GMDS: variants seen among roughly 807,000 people sequenced by gnomAD.
The protein encoded by GMDS is GDP-mannose 4,6 dehydratase.
Under a neutral mutation model 49.9 loss-of-function variants are expected in GMDS, and 20 were observed. The ratio of observed to expected loss-of-function variants is 0.40; its 90% confidence interval spans 0.28 to 0.58. The LOEUF (loss-of-function observed/expected upper bound fraction) is 0.58, where lower values mean the gene tolerates loss of function less well. GMDS is among the 20% of genes least tolerant of loss of function. The pLI, the probability that GMDS is intolerant of heterozygous loss-of-function variation, is 0.42. For missense variants in GMDS, 362 were observed against 481.4 expected (o/e 0.75, Z 2.32); for synonymous variants, 177 against 178.6 (o/e 0.99, Z 0.07).
intron 4 of GMDS, among the ~76,000 whole-genome samples, chr6:1,973,232 T>C (rs1001505643): frequency 5.9e-5 from 9 of 152,184 alleles, no homozygotes; most frequent in Non-Finnish European, 8.8e-5. Flanking sequence ...CAAAAGTACA[T>C]AAATACACTA....
At chr6:1,720,592 G>C (rs909018077) in intron 9 of GMDS, among the ~76,000 whole-genome samples, 2 of 152,214 alleles carry the variant, frequency 1.3e-5, no homozygotes, top group Admixed American at 6.5e-5. Context: ...TGGTCCAAAA[G>C]TTATGGGAGC....
chr6:1,782,966 C>A (rs1769169498), intron 7 of GMDS, among the ~76,000 whole-genome samples: 2 of 151,984 alleles, frequency 1.3e-5, no homozygotes, highest in African/African-American at 2.4e-5. Context: ...CCAGCCTGGG[C>A]AACATAGTGG....
chr6:1,692,065 G>A (rs1019183842), intron 9 of GMDS, among the ~76,000 whole-genome samples: 12 of 152,210 alleles, frequency 7.9e-5, no homozygotes, highest in Admixed American at 3.9e-4. Context: ...GACATGGGAA[G>A]GGCAGACTTG....
intron 4 of GMDS, among the ~76,000 whole-genome samples, chr6:1,975,877 T>C (rs1764870800): frequency 6.6e-6 from 1 of 152,118 alleles, no homozygotes; most frequent in South Asian, 2.1e-4. Context: ...CAACAAAGAA[T>C]AAGCAGAGTA....
intron 4 of GMDS, among the ~76,000 whole-genome samples, chr6:2,097,567 T>C (rs1773680303): frequency 6.6e-6 from 1 of 152,202 alleles, no homozygotes; most frequent in African/African-American, 2.4e-5. Flanking sequence ...CACATGCTAG[T>C]GGCCCTTGAC....
intron 4 of GMDS, among the ~76,000 whole-genome samples, chr6:1,997,465 G>A (rs1009207854): frequency 2.9e-5 from 4 of 138,290 alleles, no homozygotes; most frequent in Non-Finnish European, 4.5e-5. Context: ...CTGAGATCGC[G>A]CCACTGCACT....
intron 1 of GMDS, among the ~76,000 whole-genome samples, chr6:2,202,995 C>T (rs910798360): frequency 1.3e-5 from 2 of 152,178 alleles, no homozygotes; most frequent in East Asian, 3.9e-4. Flanking sequence ...TATCCTGCCA[C>T]ATTTTCATTT....
At chr6:1,711,467 G>A (rs1765961113) in intron 9 of GMDS, among the ~76,000 whole-genome samples, 2 of 152,190 alleles carry the variant, frequency 1.3e-5, no homozygotes, top group South Asian at 4.1e-4. Context: ...GAAGAAATGG[G>A]TTGCCTCTTT....
intron 1 of GMDS, among the ~76,000 whole-genome samples, chr6:2,175,080 A>G (rs1778209195): frequency 6.6e-6 from 1 of 152,122 alleles, no homozygotes; most frequent in Non-Finnish European, 1.5e-5. Flanking sequence ...TAGCTATTTG[A>G]AACACAGTGC....
At chr6:1,995,129 G>C (rs1343197165) in intron 4 of GMDS, among the ~76,000 whole-genome samples, 1 of 152,156 alleles carries the variant, frequency 6.6e-6, no homozygotes, top group Admixed American at 6.5e-5. Flanking sequence ...CACAGCCAGG[G>C]AGAAATGGGG....
intron 7 of GMDS, among the ~76,000 whole-genome samples, chr6:1,895,866 G>A (rs1054125292): frequency 3.9e-5 from 6 of 152,002 alleles, no homozygotes; most frequent in South Asian, 2.1e-4. Flanking sequence ...AACATAAAGC[G>A]GTGAAATATG....
rs943779510 is a variant in GMDS, at chr6:1,674,072, G to T, written c.988-49532C>A. On this transcript the variant is annotated intron_variant, in intron 9 of 10. Coordinates refer to ENST00000380815, the MANE Select transcript of GMDS (RefSeq NM_001500.4). The stretch of plus-strand genomic sequence containing the variant: ...GCCGCGAGGTTGCTGATTGCGTAGT[G>T]AAACCATCGTGCTATTTATGAAATT... Among the ~76,000 whole-genome samples, 5 of 151,984 alleles carry T rather than the reference G, an allele frequency of 3.3e-5. No homozygotes were observed. In the East Asian group the frequency reaches 5.8e-4, roughly 18 times the overall value.
chr6:1,905,328 G>C (rs1760705313), intron 7 of GMDS, among the ~76,000 whole-genome samples: 1 of 151,866 alleles, frequency 6.6e-6, no homozygotes, highest in African/African-American at 2.4e-5. Context: ...CTGGCGTGTA[G>C]GTGGGACCTC....
At chr6:2,194,039 T>A (rs151325) in intron 1 of GMDS, among the ~76,000 whole-genome samples, 10,616 of 136,242 alleles carry the variant, frequency 0.078, 575 homozygotes, top group South Asian at 0.22. Flanking sequence ...TATTTTTTTT[T>A]AAAAAAAAAG....
At chr6:1,696,226 C>T (rs1158131472) in intron 9 of GMDS, among the ~76,000 whole-genome samples, 1 of 152,208 alleles carries the variant, frequency 6.6e-6, no homozygotes, top group Non-Finnish European at 1.5e-5. Flanking sequence ...AGTGACAACT[C>T]AGGCTTGGCC....
chr6:2,024,786 G>A (rs1406805519), intron 4 of GMDS, among the ~76,000 whole-genome samples: 1 of 151,674 alleles, frequency 6.6e-6, no homozygotes, highest in Admixed American at 6.6e-5. Context: ...AAGTATAAGT[G>A]CATTATTACC....
At chr6:1,994,982 G>C (rs977712782) in intron 4 of GMDS, among the ~76,000 whole-genome samples, 7 of 152,142 alleles carry the variant, frequency 4.6e-5, no homozygotes, top group African/African-American at 1.7e-4. Context: ...ACACTATAAA[G>C]CATGTATGAT....
intron 9 of GMDS, among the ~76,000 whole-genome samples, chr6:1,637,682 T>G (rs1006482706): frequency 1.3e-5 from 2 of 152,366 alleles, no homozygotes; most frequent in East Asian, 3.9e-4. Context: ...GAGGCCTCCA[T>G]GCAGAAGGCT....
intron 4 of GMDS, among the ~76,000 whole-genome samples, chr6:2,081,731 C>T (rs1772712129): frequency 6.6e-6 from 1 of 152,148 alleles, no homozygotes. Context: ...TGGAGCCCTT[C>T]TCTCTGTTTT....
Sources: gnomAD v4.1 joint callset for allele counts (sites outside exome capture counted in the v4.1 genomes callset) on GRCh38, gnomAD v4.1.1 for gene constraint, MANE v1.5 for transcripts, NCBI Gene and HGNC (gene_info 2026-07-23, HGNC 2026-07-21) for gene names.